Variants in SLC22A23 observed in about 807,000 individuals in gnomAD.
SLC22A23 encodes the protein ion transporter protein.
Under a neutral mutation model 61.0 loss-of-function variants are expected in SLC22A23, and 26 were observed. The ratio of observed to expected loss-of-function variants is 0.43; its 90% confidence interval spans 0.31 to 0.59. The LOEUF (loss-of-function observed/expected upper bound fraction) is 0.59, where lower values mean the gene tolerates loss of function less well. Among genes scored for constraint, SLC22A23 ranks in the 20% least tolerant of loss-of-function variants. SLC22A23 has a pLI of 0.11. For synonymous variants in SLC22A23, 430 were observed against 413.9 expected (o/e 1.04, Z -0.47); for missense variants, 796 against 934.7 (o/e 0.85, Z 1.94).
At chr6:3,356,960 G>T (rs1206606355) in intron 3 of SLC22A23, among the ~76,000 whole-genome samples, 1 of 149,622 alleles carries the variant, frequency 6.7e-6, no homozygotes, top group Non-Finnish European at 1.5e-5. Flanking sequence ...CAACTGTCGT[G>T]GTTTGTTCTA....
intron 3 of SLC22A23, among the ~76,000 whole-genome samples, chr6:3,400,224 A>G (rs1445452787): frequency 2.0e-5 from 3 of 152,194 alleles, no homozygotes; most frequent in Middle Eastern, 3.2e-3. Context: ...AATGGATGCT[A>G]TAAGAGAGGT....
intron 3 of SLC22A23, among the ~76,000 whole-genome samples, chr6:3,373,074 T>C (rs760217923): frequency 3.3e-5 from 5 of 152,236 alleles, no homozygotes; most frequent in Non-Finnish European, 5.9e-5. Flanking sequence ...CTAACTGATC[T>C]TCCCTAAGAT....
chr6:3,442,907 C>T (rs979908505), intron 1 of SLC22A23, among the ~76,000 whole-genome samples: 8 of 152,086 alleles, frequency 5.3e-5, no homozygotes, highest in Non-Finnish European at 1.0e-4. Context: ...CTCTTTGGTT[C>T]TCTGTTCAGA....
At chr6:3,399,733 C>T (rs1768251563) in intron 3 of SLC22A23, among the ~76,000 whole-genome samples, 1 of 152,052 alleles carries the variant, frequency 6.6e-6, no homozygotes, top group African/African-American at 2.4e-5. Flanking sequence ...GTTTTCTTAC[C>T]AATTAATGAA....
chr6:3,382,114 A>G (rs866139467), intron 3 of SLC22A23, among the ~76,000 whole-genome samples: 1 of 152,200 alleles, frequency 6.6e-6, no homozygotes, highest in Non-Finnish European at 1.5e-5. Context: ...TTCAACAAAG[A>G]TAAGTCAATA....
intron 1 of SLC22A23, among the ~76,000 whole-genome samples, chr6:3,426,918 C>T (rs952096249): frequency 6.6e-6 from 1 of 152,228 alleles, no homozygotes; most frequent in South Asian, 2.1e-4. Context: ...ACTTTGTCTT[C>T]ATTGGGTTGG....
chr6:3,405,119 G>A (rs150665677), intron 3 of SLC22A23, among the ~76,000 whole-genome samples: 8 of 152,028 alleles, frequency 5.3e-5, no homozygotes, highest in East Asian at 1.9e-4. Flanking sequence ...AAATTAGTTG[G>A]ATGTGGTGGT....
rs1026329209 is a variant in SLC22A23 at position 3,271,354 on chromosome 6, G to C, written c.*1701C>G. 6.6e-6 allele frequency: 1 copy of C among 152,340 alleles called. No homozygotes were observed. The highest frequency in any genetic ancestry group is 2.4e-5 in the African/African-American group (1 of 41,450). The allele number at this position is 152,340 out of a possible 1,614,324, so 9.4% of individuals were successfully genotyped here. Reference sequence around the variant, plus strand: ...CCAGCCACTGGAAACACGTGGCCAAGAGTCTGCTTGCCCCTTGCTGTGTCT... The same window carrying C: ...CCAGCCACTGGAAACACGTGGCCAACAGTCTGCTTGCCCCTTGCTGTGTCT... On this transcript the variant is annotated 3_prime_UTR_variant, in exon 10 of 10. Transcript: ENST00000406686.
At chr6:3,398,848 G>T (rs12190355) in intron 3 of SLC22A23, among the ~76,000 whole-genome samples, 4,551 of 152,024 alleles carry the variant, frequency 0.03, 93 homozygotes, top group Middle Eastern at 0.051. Flanking sequence ...GAGCAACATC[G>T]TGAGACCTCA....
At chr6:3,300,790 G>C (rs967424941) in intron 4 of SLC22A23, among the ~76,000 whole-genome samples, 1 of 152,190 alleles carries the variant, frequency 6.6e-6, no homozygotes, top group Non-Finnish European at 1.5e-5. Context: ...ACATGATGAA[G>C]TTGTTCCCAC....
chr6:3,324,198 A>C lies in SLC22A23; in HGVS notation c.914-196T>G. ...GAGGCTCCAACTGGGAAGGGAAGTG[A>C]GACGGTTGTTCAAGGCCACAGGGCT... On this transcript the variant is annotated intron_variant, in intron 3 of 9. Transcript: ENST00000406686. The surrounding 1 kb of genome is among the most constrained non-coding windows in gnomAD (Gnocchi z 4.3). 1.6e-6 allele frequency: 1 copy of C among 625,324 alleles called. No homozygotes were observed. Among genetic ancestry groups the C allele is most frequent in the Non-Finnish European group, 2.8e-6 (1 of 361,854 alleles). 38.7% of individuals were successfully genotyped at this position (625,324 alleles called of 1,614,324 possible).
At chr6:3,403,435 G>A (rs1274961009) in intron 3 of SLC22A23, among the ~76,000 whole-genome samples, 1 of 152,130 alleles carries the variant, frequency 6.6e-6, no homozygotes, top group Non-Finnish European at 1.5e-5. Context: ...AAGCAGGAAA[G>A]GATTTCCAGC....
At chr6:3,450,613 G>A (rs1460853753) in intron 1 of SLC22A23, among the ~76,000 whole-genome samples, 6 of 152,098 alleles carry the variant, frequency 3.9e-5, no homozygotes, top group East Asian at 1.9e-4. Context: ...CCGTCAGTTC[G>A]GTATTAGGAA....
chr6:3,342,199 TGTTTC>T lies in SLC22A23; in HGVS notation c.914-18202_914-18198del, dbSNP rs1214154516. Among the ~76,000 whole-genome samples, 2 of 152,232 alleles carry T rather than the reference TGTTTC, an allele frequency of 1.3e-5. No homozygotes were observed. Among genetic ancestry groups the T allele is most frequent in the Non-Finnish European group, 2.9e-5 (2 of 68,044 alleles). On this transcript the variant is annotated intron_variant, in intron 3 of 9. Transcript: ENST00000406686. The surrounding 1 kb of genome is among the most constrained non-coding windows in gnomAD (Gnocchi z 4.0). ...GAAAACTTATTCTCAGTTACCGTTT[TGTTTC>T]AAGATGGAAGCCTCAATTTGAAATC...
In SLC22A23 at chr6:3,273,219, C is replaced by A; in HGVS notation, c.1897G>T (p.Gly633Trp). 1 of 1,613,080 alleles carries A rather than the reference C, an allele frequency of 6.2e-7. No homozygotes were observed. Among genetic ancestry groups the A allele is most frequent in the Non-Finnish European group, 8.5e-7 (1 of 1,179,428 alleles). Reference protein sequence around the residue: ...DQNLPENISNGEHYTRQPLLP... With the variant: ...DQNLPENISNWEHYTRQPLLP... ...AGCGGCTGGCGCGTGTAGTGCTCCCCGTTAGAAATGTTCTCAGGCAGGTTC... is the reference window on the plus strand; with the variant it reads ...AGCGGCTGGCGCGTGTAGTGCTCCCAGTTAGAAATGTTCTCAGGCAGGTTC... The change falls in exon 10 of 10, where the codon GGG becomes TGG. Residue 633 changes from glycine to tryptophan, a missense_variant. Coordinates refer to ENST00000406686, the MANE Select transcript of SLC22A23 (RefSeq NM_015482.2).
chr6:3,424,324 T>G (rs533163016), intron 1 of SLC22A23, among the ~76,000 whole-genome samples: 31 of 152,230 alleles, frequency 2.0e-4, no homozygotes, highest in Non-Finnish European at 4.0e-4. Flanking sequence ...GATGCCTGCT[T>G]TAAAGGACAA....
At chr6:3,443,609 G>T (rs1270636019) in intron 1 of SLC22A23, among the ~76,000 whole-genome samples, 1 of 152,064 alleles carries the variant, frequency 6.6e-6, no homozygotes, top group African/African-American at 2.4e-5. Flanking sequence ...TCAATTAATT[G>T]CCAGAAACAT....
At position 3,304,852 on chromosome 6, in the gene SLC22A23, A is replaced by G. The variant is rs1761862091; in HGVS notation, c.1083-6634T>C. Among the ~76,000 whole-genome samples, 1 of 152,030 alleles carries G rather than the reference A, an allele frequency of 6.6e-6. No individual in the cohort carries two copies. The highest frequency in any genetic ancestry group is 2.1e-4 in the South Asian group (1 of 4,814). On this transcript the variant is annotated intron_variant, in intron 4 of 9. Transcript: ENST00000406686. This position sits in a 1 kb window ranked among gnomAD's most constrained non-coding sequence, Gnocchi z 4.3. ...TGTTCAGAGAGCTGCAAGCTGATAA[A>G]CCCGAATGCTGGGAATGAGGTGAGA...
At position 3,283,718 on chromosome 6, in the gene SLC22A23, A is replaced by G. The variant is rs1012973373; in HGVS notation, c.1703+134T>C. 7.4e-6 allele frequency: 11 copies of G among 1,480,840 alleles called. No individual in the cohort carries two copies. The African/African-American group carries it at 1.5e-4, about 21-fold the overall frequency. The allele number at this position is 1,480,840 out of a possible 1,614,324, so 91.7% of individuals were successfully genotyped here. ...GTTGGGTCCAACAGCCACCTCAGCT[A>G]TGAACCACGAAGCTGATGTGTCCAG... On this transcript the variant is annotated intron_variant, in intron 9 of 9. Transcript: ENST00000406686.
Sources: allele counts gnomAD v4.1 joint callset (sites outside exome capture counted in the v4.1 genomes callset), GRCh38; gene constraint gnomAD v4.1.1; non-coding constraint Gnocchi (gnomAD v3.1); transcripts MANE v1.5; gene names NCBI Gene and HGNC (gene_info 2026-07-23, HGNC 2026-07-21).